Variants in NID2 observed in about 807,000 individuals in gnomAD.
NID2 encodes nidogen 2, also known as nidogen-2.
In NID2, 83 loss-of-function variants were observed where a neutral mutation model predicts 145.4. The ratio of observed to expected loss-of-function variants is 0.57; its 90% confidence interval spans 0.48 to 0.69. The LOEUF is 0.69. Among genes scored for constraint, NID2 ranks in the 30% least tolerant of loss-of-function variants. The probability of loss-of-function intolerance (pLI) is 0.00; values close to 1 mark genes in which losing one functional copy is unlikely to be tolerated. For missense variants in NID2, 1,807 were observed against 1,765.7 expected (o/e 1.02, Z -0.42); for synonymous variants, 739 against 701.3 (o/e 1.05, Z -0.85).
intron 15 of NID2, 80 bp from the exon 16 acceptor site, chr14:52,014,536 A>T: frequency 7.2e-7 from 1 of 1,393,834 alleles, no homozygotes; most frequent in South Asian, 1.4e-5. Context: ...TTTACCACAT[A>T]CCAGAGCCTC....
chr14:52,008,121 T>G lies in NID2; in HGVS notation c.3723-154A>C, dbSNP rs993830757. ...TGCATTAGTAGTGTCTTGCTTCTTC[T>G]AGTGCATAGAGTATAGCAGAAGTGA... is the stretch of plus-strand genomic sequence containing the variant. On this transcript the variant is annotated intron_variant, in intron 18 of 21. Transcript: ENST00000216286. The G allele has an allele frequency of 7.5e-5, 45 of 603,046 alleles. No individual in the cohort carries two copies. The African/African-American group carries it at 7.8e-4, about 11-fold the overall frequency. The allele number at this position is 603,046 out of a possible 1,614,324, so 37.4% of individuals were successfully genotyped here.
chr14:52,062,660 G>A (rs1050751556), intron 2 of NID2, among the ~76,000 whole-genome samples: 1 of 152,086 alleles, frequency 6.6e-6, no homozygotes, highest in Admixed American at 6.5e-5. Context: ...GAGAATCCTG[G>A]TTCTAAATTT....
At chr14:52,057,411 C>G (rs1892885349) in intron 3 of NID2, among the ~76,000 whole-genome samples, 1 of 152,096 alleles carries the variant, frequency 6.6e-6, no homozygotes, top group Non-Finnish European at 1.5e-5. Flanking sequence ...TACTTTAAAA[C>G]ATTTAAACAG....
chr14:52,044,785 T>C (rs1332176479), intron 5 of NID2, among the ~76,000 whole-genome samples: 1 of 151,902 alleles, frequency 6.6e-6, no homozygotes, highest in Non-Finnish European at 1.5e-5. Context: ...ACTTTATTTT[T>C]TGGTAGGGTG....
intron 2 of NID2, among the ~76,000 whole-genome samples, chr14:52,064,477 A>G (rs897655458): frequency 6.6e-6 from 1 of 152,174 alleles, no homozygotes; most frequent in Non-Finnish European, 1.5e-5. Flanking sequence ...CTCTTCTTAT[A>G]AAGCAACCAG....
intron 3 of NID2, among the ~76,000 whole-genome samples, chr14:52,058,076 T>C (rs1892914158): frequency 6.6e-6 from 1 of 152,366 alleles, no homozygotes; most frequent in South Asian, 2.1e-4. Context: ...ATGTGAGCAA[T>C]GTTTATTATG....
Position 52,018,092 on chromosome 14 carries a change from C to T in NID2, c.3028+969G>A, listed in dbSNP as rs1891279104. On this transcript the variant is annotated intron_variant, in intron 14 of 21. Transcript: ENST00000216286. Reference sequence around the variant, plus strand: ...TCGGCCTCCCAAAGTGCTGGGATTACAGGCATGAGCCACCATACCCGGGCA... The same window carrying T: ...TCGGCCTCCCAAAGTGCTGGGATTATAGGCATGAGCCACCATACCCGGGCA... Among the ~76,000 whole-genome samples, 3 of 152,284 alleles carry T rather than the reference C, an allele frequency of 2.0e-5. No individual in the cohort carries two copies. In the South Asian group the frequency reaches 6.2e-4, roughly 32 times the overall value.
At chr14:52,040,385 C>T (rs1221693764) in intron 8 of NID2, among the ~76,000 whole-genome samples, 3 of 152,104 alleles carry the variant, frequency 2.0e-5, no homozygotes, top group Non-Finnish European at 4.4e-5. Context: ...TATACCATCC[C>T]TACCCACCCC....
intron 14 of NID2, among the ~76,000 whole-genome samples, chr14:52,016,984 A>G (rs1891232953): frequency 1.3e-5 from 2 of 152,218 alleles, no homozygotes; most frequent in African/African-American, 2.4e-5. Flanking sequence ...CCCATGGGAG[A>G]CAAAGCTCTT....
At chr14:52,009,846 GC>G (rs1873129398) in intron 18 of NID2, 1 of 152,362 alleles carries the variant, frequency 6.6e-6, no homozygotes, top group African/African-American at 2.4e-5. Context: ...AATTAGCTGG[GC>G]ATGGTGGCAC....
chr14:52,015,206 G>A lies in NID2; in HGVS notation c.3098C>T (p.Thr1033Ile), dbSNP rs781262010. 1 of 1,613,686 alleles carries A rather than the reference G, an allele frequency of 6.2e-7. No individual in the cohort carries two copies. The highest frequency in any genetic ancestry group is 1.3e-5 in the African/African-American group (1 of 74,884). Residue 1033 changes from threonine (T) to isoleucine (I), a missense_variant, in exon 15 of 22, where the codon ACC (threonine) becomes ATC (isoleucine). Physicochemically the swap from Thr to Ile is moderately conservative, Grantham distance 89. Transcript: ENST00000216286. ...RENLLEHYGGTPRDDQYVPQC... is the reference protein window; with the variant it reads ...RENLLEHYGGIPRDDQYVPQC... Reference sequence around the variant, plus strand: ...GGGCACGTACTGGTCATCCCGGGGGGTGCCACCGTAGTGCTCCAGCAGGTT... The same window carrying A: ...GGGCACGTACTGGTCATCCCGGGGGATGCCACCGTAGTGCTCCAGCAGGTT...
rs1444197420 is a variant in NID2 at position 52,020,902 on chromosome 14, A to T, written c.2675-724T>A. Among the ~76,000 whole-genome samples, 5 of 152,338 alleles carry T rather than the reference A, an allele frequency of 3.3e-5. No individual in the cohort carries two copies. In the East Asian group the frequency reaches 9.6e-4, roughly 29 times the overall value. ...ACCATGAGGATTAATTTTCACCATCATATTTCTCAAAACAACAAAATCCTG... is the reference window on the plus strand; with the variant it reads ...ACCATGAGGATTAATTTTCACCATCTTATTTCTCAAAACAACAAAATCCTG... On this transcript the variant is annotated intron_variant, in intron 12 of 21. Transcript: ENST00000216286.
At chr14:52,047,209 G>T (rs897135284) in intron 5 of NID2, among the ~76,000 whole-genome samples, 1 of 152,170 alleles carries the variant, frequency 6.6e-6, no homozygotes, top group African/African-American at 2.4e-5. Flanking sequence ...TAGTGGGGTG[G>T]ATGTGTAAGA....
rs1212600635 is a variant in NID2, at chr14:52,040,831, T to C, written c.1846A>G (p.Met616Val). 6.2e-7 allele frequency: 1 copy of C among 1,614,152 alleles called. No homozygotes were observed. Among genetic ancestry groups the C allele is most frequent in the South Asian group, 1.1e-5 (1 of 91,082 alleles). The change falls in exon 8 of 22, where the codon ATG becomes GTG. Residue 616 changes from methionine (M) to valine (V), a missense_variant. Transcript: ENST00000216286. Reference sequence around the variant, plus strand: ...TCTCCCGGGTAGAATGTAACTTCCATGTCATGGGTAAAGGCAGCACCTGGA... The same window carrying C: ...TCTCCCGGGTAGAATGTAACTTCCACGTCATGGGTAAAGGCAGCACCTGGA... Reference protein sequence around the residue: ...SLAGAAFTHDMEVTFYPGEET... With the variant: ...SLAGAAFTHDVEVTFYPGEET...
At chr14:52,035,854 GTGTATATA>G (rs1229313449) in intron 9 of NID2, among the ~76,000 whole-genome samples, 2 of 36,074 alleles carry the variant, frequency 5.5e-5, no homozygotes, top group Non-Finnish European at 1.2e-4. Flanking sequence ...AAATTTTTTT[GTGTATATA>G]TATATATATA....
intron 5 of NID2, among the ~76,000 whole-genome samples, chr14:52,050,339 G>A (rs187382335): frequency 4.1e-4 from 62 of 151,936 alleles, no homozygotes; most frequent in African/African-American, 1.3e-3. Flanking sequence ...CTGCAACTCC[G>A]CTCTTGTCAC....
intron 3 of NID2, among the ~76,000 whole-genome samples, chr14:52,055,438 C>A (rs1892813803): frequency 6.6e-6 from 1 of 152,076 alleles, no homozygotes; most frequent in African/African-American, 2.4e-5. Context: ...ATGCCAAAAC[C>A]TAAAAAATTT....
In NID2 at chr14:52,068,676, T is replaced by G; in HGVS notation, c.228+91A>C. On this transcript the variant is annotated intron_variant, in intron 1 of 21. Coordinates refer to ENST00000216286, the MANE Select transcript of NID2 (RefSeq NM_007361.4). ...GTGCTGGGGGGCTCCAGGAGTGGGG[T>G]CTGTTTCCTCCCCTCTGGAGGCAGG... The G allele has an allele frequency of 9.5e-6, 11 of 1,158,284 alleles. No homozygotes were observed. The Middle Eastern group carries it at 6.0e-4, about 63-fold the overall frequency. The allele number at this position is 1,158,284 out of a possible 1,614,324, so 71.8% of individuals were successfully genotyped here.
intron 5 of NID2, among the ~76,000 whole-genome samples, chr14:52,043,442 G>A (rs1222748367): frequency 6.6e-6 from 1 of 152,186 alleles, no homozygotes; most frequent in Non-Finnish European, 1.5e-5. Context: ...GGGTCTTAAA[G>A]AACACACGCA....
Sources: gnomAD v4.1 joint callset for allele counts (sites outside exome capture counted in the v4.1 genomes callset) on GRCh38, gnomAD v4.1.1 for gene constraint, MANE v1.5 for transcripts, NCBI Gene and HGNC (gene_info 2026-07-23, HGNC 2026-07-21) for gene names.